Variants in NOTCH1 observed in about 807,000 individuals in gnomAD.
NOTCH1 encodes the protein notch receptor 1.
Under a neutral mutation model 254.8 loss-of-function variants are expected in NOTCH1, and 37 were observed. The ratio of observed to expected loss-of-function variants is 0.15; its 90% CI spans 0.11 to 0.19. NOTCH1 has a LOEUF of 0.19. NOTCH1 is among the 10% of genes least tolerant of loss of function. The pLI, the probability that NOTCH1 is intolerant of heterozygous loss-of-function variation, is 1.00. For synonymous variants in NOTCH1, 1,731 were observed against 1,618.1 expected (o/e 1.07, Z -1.68); for missense variants, 2,972 against 3,708.6 (o/e 0.80, Z 5.16).
chr9:136,498,714 G>A (rs1201615046), intron 33 of NOTCH1, among the ~76,000 whole-genome samples, 185 bp downstream of exon 33: 2 of 152,330 alleles, frequency 1.3e-5, no homozygotes. Context: ...ATAAACGGGG[G>A]CTGAAGGAAG....
chr9:136,543,375 G>A (rs1469730968), intron 2 of NOTCH1: 2 of 241,840 alleles, frequency 8.3e-6, no homozygotes, highest in Admixed American at 5.4e-5. Context: ...CACCCAGGAG[G>A]TGGCATCACC....
chr9:136,519,290 G>T (rs1285585769), intron 5 of NOTCH1, among the ~76,000 whole-genome samples, 153 bp downstream of exon 5: 1 of 152,244 alleles, frequency 6.6e-6, no homozygotes, highest in Non-Finnish European at 1.5e-5. Context: ...CGGGAAGTGG[G>T]GCCCCCATCA....
rs1463406878 is a variant in NOTCH1, at chr9:136,513,664, T to C, written c.2208-127A>G. ...CCATCCACTCAGACTCGCAGAGTCCTTTAGTGGGGGCAGGCTGGGCGCTGT... is the reference window on the plus strand; with the variant it reads ...CCATCCACTCAGACTCGCAGAGTCCCTTAGTGGGGGCAGGCTGGGCGCTGT... On this transcript the variant is annotated intron_variant, in intron 13 of 33. Coordinates refer to ENST00000651671, the MANE Select transcript of NOTCH1 (RefSeq NM_017617.5). The surrounding 1 kb of genome is among the most constrained non-coding windows in gnomAD (Gnocchi z 4.7). 5.7e-6 allele frequency: 6 copies of C among 1,055,222 alleles called. No homozygotes were observed. The highest frequency in any genetic ancestry group is 2.0e-5 in the Admixed American group (1 of 49,892). 65.4% of individuals were successfully genotyped at this position (1,055,222 alleles called of 1,614,324 possible).
chr9:136,499,288 T>G lies in NOTCH1; in HGVS notation c.5935-29A>C, dbSNP rs778657703. On this transcript the variant is annotated intron_variant, in intron 31 of 33. Transcript: ENST00000651671. ...GGCAACAGGGAGAGGCTCAGGCGGG[T>G]GCTGGGCAGACGTACACCGATGCCT... The G allele has an allele frequency of 1.8e-5, 29 of 1,609,552 alleles. No homozygotes were observed. The Admixed American group carries it at 4.7e-4, about 26-fold the overall frequency.
chr9:136,523,202 G>A lies in NOTCH1; in HGVS notation c.404-14C>T, dbSNP rs760499267. The A allele has an allele frequency of 1.2e-5, 19 of 1,588,344 alleles. No homozygotes were observed. The East Asian group carries it at 3.7e-4, about 31-fold the overall frequency. ...GGCACGATTTCCCTGGAGACAAGGGGACAAGAGGGTCGTGCTGGCCTCACT... is the reference window on the plus strand; with the variant it reads ...GGCACGATTTCCCTGGAGACAAGGGAACAAGAGGGTCGTGCTGGCCTCACT... On this transcript the variant is annotated splice_polypyrimidine_tract_variant and intron_variant, in intron 3 of 33. Transcript: ENST00000651671.
chr9:136,500,088 T>C (rs962979892), intron 31 of NOTCH1, among the ~76,000 whole-genome samples: 7 of 152,274 alleles, frequency 4.6e-5, no homozygotes, highest in Middle Eastern at 3.4e-3. Flanking sequence ...CCTAAATCCA[T>C]TCTTGCCACG....
In NOTCH1 at chr9:136,515,970, C is replaced by T; in HGVS notation, c.1669+11G>A. Reference sequence around the variant, plus strand: ...CCCAGTCCCTCCCCGCTGGTGGGCGCCAGCCCGCACCTTCCGTGCACACAC... The same window carrying T: ...CCCAGTCCCTCCCCGCTGGTGGGCGTCAGCCCGCACCTTCCGTGCACACAC... On this transcript the variant is annotated intron_variant, in intron 10 of 33. Coordinates refer to ENST00000651671, the MANE Select transcript of NOTCH1 (RefSeq NM_017617.5). 1.2e-6 allele frequency: 2 copies of T among 1,602,510 alleles called. No individual in the cohort carries two copies. The highest frequency in any genetic ancestry group is 8.5e-7 in the Non-Finnish European group (1 of 1,174,324).
intron 2 of NOTCH1, chr9:136,543,801 G>A (rs1256052023): frequency 1.6e-6 from 1 of 629,086 alleles, no homozygotes; most frequent in Non-Finnish European, 2.9e-6. Flanking sequence ...GCCCACGGAG[G>A]AGTGCCCAAG....
rs2133351141 is a variant in NOTCH1, at chr9:136,509,900, C to G, written c.2802G>C (p.Leu934=). Residue 934 remains leucine, a synonymous_variant, in exon 18 of 34, where the codon CTG becomes CTC. Coordinates refer to ENST00000651671, the MANE Select transcript of NOTCH1 (RefSeq NM_017617.5). ...DGINTAFCDC[L]PGFRGTFCEE... ...CACAGAAAGTGCCCCGGAAGCCGGG[C>G]AGGCAGTCGCAGAAGGCCGTGTTGA... The G allele has an allele frequency of 3.1e-6, 5 of 1,613,260 alleles. No homozygotes were observed. Among genetic ancestry groups the G allele is most frequent in the Non-Finnish European group, 4.2e-6 (5 of 1,180,024 alleles).
intron 33 of NOTCH1, among the ~76,000 whole-genome samples, chr9:136,498,658 C>T (rs1001042841): frequency 1.3e-5 from 2 of 152,156 alleles, no homozygotes; most frequent in Non-Finnish European, 1.5e-5. Flanking sequence ...GTCTGAGGGG[C>T]GAGCCGCCGT....
chr9:136,510,934 C>A, intron 16 of NOTCH1, 129 bp from the exon 17 acceptor site: 2 of 1,406,980 alleles, frequency 1.4e-6, no homozygotes, highest in South Asian at 1.2e-5. Flanking sequence ...CAGGACCATC[C>A]CCTCTCCCCT....
intron 19 of NOTCH1, 143 bp from the exon 20 acceptor site, chr9:136,508,528 C>T (rs1843126511): frequency 8.4e-7 from 1 of 1,188,434 alleles, no homozygotes; most frequent in Non-Finnish European, 1.2e-6. Flanking sequence ...CTGGACTCCC[C>T]ACCACCCCCA....
rs780527525 is a variant in NOTCH1 at position 136,506,954 on chromosome 9, G to A, written c.3663C>T (p.Asn1221=). 44 of 1,609,010 alleles carry A rather than the reference G, an allele frequency of 2.7e-5. No homozygotes were observed. The highest frequency in any genetic ancestry group is 3.4e-5 in the Non-Finnish European group (40 of 1,178,660). The change falls in exon 23 of 34, where the codon AAC becomes AAT. Residue 1221 remains asparagine (N), a synonymous_variant. Coordinates refer to ENST00000651671, the MANE Select transcript of NOTCH1 (RefSeq NM_017617.5). This position sits in a 1 kb window ranked among gnomAD's most constrained non-coding sequence, Gnocchi z 4.5. ...CAACGGGGGGATTGCAGTCGTCCAC[G>A]TTGATCTCACAGTGCACACCTGCGG... ...RGTQGVHCEI[N]VDDCNPPVDP...
chr9:136,531,579 C>A (rs543835486), intron 2 of NOTCH1, among the ~76,000 whole-genome samples: 2 of 152,290 alleles, frequency 1.3e-5, no homozygotes, highest in South Asian at 4.2e-4. Context: ...GGGGGCAGAG[C>A]CCTGGGCGAG....
At position 136,495,700 on chromosome 9, in the gene NOTCH1, T is replaced by C. The variant is rs1842904286; in HGVS notation, c.*371A>G. On this transcript the variant is annotated 3_prime_UTR_variant, in exon 34 of 34. Coordinates refer to ENST00000651671, the MANE Select transcript of NOTCH1 (RefSeq NM_017617.5). Reference sequence around the variant, plus strand: ...CTCCAACATCATTTCTTTTTGGATTTTGAAAAAAGGAATCAATAAATAAAT... The same window carrying C: ...CTCCAACATCATTTCTTTTTGGATTCTGAAAAAAGGAATCAATAAATAAAT... 1 of 409,308 alleles carries C rather than the reference T, an allele frequency of 2.4e-6. No homozygotes were observed. Among genetic ancestry groups the C allele is most frequent in the Non-Finnish European group, 4.3e-6 (1 of 232,050 alleles). 25.4% of individuals were successfully genotyped at this position (409,308 alleles called of 1,614,324 possible).
At position 136,501,956 on chromosome 9, in the gene NOTCH1, A is replaced by G. The variant is rs3124594; in HGVS notation, c.5473-43T>C. The G allele has an allele frequency of 0.53, 859,385 of 1,611,308 alleles. 239,352 individuals carry two copies. Among genetic ancestry groups the G allele is most frequent in the East Asian group, 0.87 (39,028 of 44,864 alleles). On this transcript the variant is annotated intron_variant, in intron 29 of 33. Transcript: ENST00000651671. Reference sequence around the variant, plus strand: ...GCAGAGCCTGTCAGGGCAGCCCGGCAGCAGGTGCCCGGGAGCCCAGGAGCC... The same window carrying G: ...GCAGAGCCTGTCAGGGCAGCCCGGCGGCAGGTGCCCGGGAGCCCAGGAGCC...
At chr9:136,528,635 C>A (rs187686603) in intron 2 of NOTCH1, among the ~76,000 whole-genome samples, 1 of 151,280 alleles carries the variant, frequency 6.6e-6, no homozygotes, top group African/African-American at 2.4e-5. Context: ...GCCCTGCACA[C>A]CCCGGCTCCC....
At position 136,515,824 on chromosome 9, in the gene NOTCH1, G is replaced by A. The variant is rs373211882; in HGVS notation, c.1670-108C>T. 9.1e-5 allele frequency: 111 copies of A among 1,220,622 alleles called. 1 individual carries two copies. The highest frequency in any genetic ancestry group is 1.7e-4 in the African/African-American group (11 of 64,710). The allele number at this position is 1,220,622 out of a possible 1,614,324, so 75.6% of individuals were successfully genotyped here. A position where few individuals can be genotyped will look rare whatever the true frequency, so the allele number is the denominator to read the frequency against. On this transcript the variant is annotated intron_variant, in intron 10 of 33. Coordinates refer to ENST00000651671, the MANE Select transcript of NOTCH1 (RefSeq NM_017617.5). Reference sequence around the variant, plus strand: ...TGCCAACCTGAGGAGGGCTCCGAGCGTGGCATTCCCACCTACTCAGGATTG... The same window carrying A: ...TGCCAACCTGAGGAGGGCTCCGAGCATGGCATTCCCACCTACTCAGGATTG...
rs142297631 is a variant in NOTCH1 at position 136,537,787 on chromosome 9, C to T, written c.140+6237G>A. Among the ~76,000 whole-genome samples the T allele has an allele frequency of 9.9e-3, 1,506 of 152,216 alleles. 8 individuals carry two copies. Among genetic ancestry groups the T allele is most frequent in the Middle Eastern group, 0.02 (6 of 294 alleles). ...CTCCAGCCTGTGTGACAGGGTGAGACCCCATCTCAAAAAACAAAAAAGTGG... is the reference window on the plus strand; with the variant it reads ...CTCCAGCCTGTGTGACAGGGTGAGATCCCATCTCAAAAAACAAAAAAGTGG... On this transcript the variant is annotated intron_variant, in intron 2 of 33. Transcript: ENST00000651671.
Sources: allele counts gnomAD v4.1 joint callset (sites outside exome capture counted in the v4.1 genomes callset), GRCh38; gene constraint gnomAD v4.1.1; non-coding constraint Gnocchi (gnomAD v3.1); transcripts MANE v1.5; gene names NCBI Gene and HGNC (gene_info 2026-07-23, HGNC 2026-07-21).